Variants in IQCM observed in about 807,000 individuals in gnomAD.
IQCM encodes the protein IQ motif containing M.
A neutral mutation model predicts 57.6 loss-of-function variants in IQCM; 45 were observed. The observed-to-expected ratio is 0.78, with a 90% CI of 0.62 to 1.00. The LOEUF is 1.00. Among genes scored for constraint, IQCM ranks in the 50% least tolerant of loss-of-function variants. IQCM has a pLI of 0.00. For synonymous variants in IQCM, 148 were observed against 158.9 expected, an observed-to-expected ratio of 0.93 and a Z score of 0.51; for missense variants, 468 against 511.6, an observed-to-expected ratio of 0.91 and a Z score of 0.82.
At chr4:149,665,089 G>A (rs185062945) in intron 7 of IQCM, among the ~76,000 whole-genome samples, 3 of 152,280 alleles carry the variant, frequency 2.0e-5, no homozygotes, top group Admixed American at 6.5e-5. Flanking sequence ...TGGAACAACT[G>A]TAGGGCCTCA....
At chr4:149,460,881 G>T (rs1560867828) in intron 12 of IQCM, among the ~76,000 whole-genome samples, 1 of 152,040 alleles carries the variant, frequency 6.6e-6, no homozygotes, top group East Asian at 1.9e-4. Context: ...AGATCCCATT[G>T]GTCCCCTTGG....
intron 9 of IQCM, among the ~76,000 whole-genome samples, chr4:149,568,673 G>T (rs957697962): frequency 6.6e-6 from 1 of 152,006 alleles, no homozygotes; most frequent in East Asian, 1.9e-4. Context: ...TGCTACCATG[G>T]GAGGCTGAGG....
At chr4:149,647,489 T>C (rs1445653175) in intron 7 of IQCM, among the ~76,000 whole-genome samples, 1 of 152,152 alleles carries the variant, frequency 6.6e-6, no homozygotes, top group African/African-American at 2.4e-5. Flanking sequence ...AAGTTGTGTT[T>C]CTTAAACATA....
chr4:149,364,264 G>A (rs1355407088), intron 13 of IQCM, among the ~76,000 whole-genome samples: 2 of 152,126 alleles, frequency 1.3e-5, no homozygotes, highest in Non-Finnish European at 2.9e-5. Context: ...CAGGAGTGCA[G>A]GGGTTTTATT....
Position 149,484,959 on chromosome 4 carries a change from A to C in IQCM, c.1229-51402T>G, listed in dbSNP as rs1741309662. Among the ~76,000 whole-genome samples, 7 of 152,210 alleles carry C rather than the reference A, an allele frequency of 4.6e-5. No homozygotes were observed. The South Asian group carries it at 1.5e-3, about 32-fold the overall frequency. On this transcript the variant is annotated intron_variant, in intron 12 of 13. Transcript: ENST00000636793. ...TCATGCCTGAAGGATATTTTCACCA[A>C]ATATACTAATCTAGGGTAAAAGTTT...
chr4:149,438,783 G>C (rs1735624026), intron 12 of IQCM, among the ~76,000 whole-genome samples: 1 of 151,844 alleles, frequency 6.6e-6, no homozygotes, highest in Non-Finnish European at 1.5e-5. Flanking sequence ...CATTGATGAA[G>C]GAAAATATTA....
At chr4:149,454,304 CATGTCCTTTGCAGCAACATAGA>C (rs904878107) in intron 12 of IQCM, among the ~76,000 whole-genome samples, 2 of 151,578 alleles carry the variant, frequency 1.3e-5, no homozygotes, top group Non-Finnish European at 2.9e-5. Flanking sequence ...AGAGTGAGAT[CATGTCCTTTGCAGCAACATAGA>C]CAGAGCTGGG....
intron 13 of IQCM, among the ~76,000 whole-genome samples, chr4:149,380,579 C>T (rs138752324): frequency 2.5e-3 from 387 of 152,194 alleles, no homozygotes; most frequent in African/African-American, 8.8e-3. Flanking sequence ...GATTCTCTTT[C>T]GGAAGAAGAG....
intron 7 of IQCM, among the ~76,000 whole-genome samples, chr4:149,667,677 C>A (rs1292571125): frequency 6.6e-6 from 1 of 151,802 alleles, no homozygotes; most frequent in Non-Finnish European, 1.5e-5. Flanking sequence ...AAGCTAAGAA[C>A]CTTGATAAAA....
chr4:149,408,567 A>G (rs1316442506), intron 13 of IQCM, among the ~76,000 whole-genome samples: 1 of 152,150 alleles, frequency 6.6e-6, no homozygotes, highest in Non-Finnish European at 1.5e-5. Flanking sequence ...CTGGTACTAT[A>G]ACAACAGGAG....
intron 12 of IQCM, among the ~76,000 whole-genome samples, chr4:149,472,045 C>T (rs1316917926): frequency 5.3e-5 from 8 of 152,180 alleles, no homozygotes; most frequent in Admixed American, 2.0e-4. Flanking sequence ...GAAGCATTCC[C>T]TTTGAAAACT....
At chr4:149,563,649 T>C in intron 10 of IQCM, 43 bp downstream of exon 10, 2 of 1,173,538 alleles carry the variant, frequency 1.7e-6, no homozygotes, top group Middle Eastern at 3.2e-4. Context: ...TTGAATCTAA[T>C]GAGAAATTTT....
At chr4:149,757,884 T>C (rs552548041) in intron 2 of IQCM, among the ~76,000 whole-genome samples, 6 of 152,292 alleles carry the variant, frequency 3.9e-5, no homozygotes, top group Admixed American at 3.3e-4. Context: ...TGAATACAAT[T>C]GTTAAAAGTG....
chr4:149,690,650 A>G (rs1423921422), intron 5 of IQCM, among the ~76,000 whole-genome samples: 1 of 152,170 alleles, frequency 6.6e-6, no homozygotes, highest in Non-Finnish European at 1.5e-5. Flanking sequence ...TACACATTTT[A>G]TCAGGAACTT....
intron 13 of IQCM, among the ~76,000 whole-genome samples, chr4:149,377,550 T>C (rs1730782135): frequency 6.6e-6 from 1 of 152,210 alleles, no homozygotes; most frequent in African/African-American, 2.4e-5. Flanking sequence ...CTTGATGTCC[T>C]CATTCAGTAC....
chr4:149,439,843 G>A (rs1039608036), intron 12 of IQCM, among the ~76,000 whole-genome samples: 2 of 151,848 alleles, frequency 1.3e-5, no homozygotes, highest in African/African-American at 2.4e-5. Context: ...AGTTTTTATT[G>A]GGCTCAGCAT....
At chr4:149,761,708 C>A (rs531440570) in intron 2 of IQCM, among the ~76,000 whole-genome samples, 1 of 152,142 alleles carries the variant, frequency 6.6e-6, no homozygotes, top group East Asian at 1.9e-4. Flanking sequence ...TACGAAGAGT[C>A]TCTAATACAA....
chr4:149,697,504 G>A lies in IQCM; in HGVS notation c.386-11036C>T, dbSNP rs546933297. 6.6e-5 allele frequency among the ~76,000 whole-genome samples: 10 copies of A among 152,196 alleles called. No homozygotes were observed. The East Asian group carries it at 1.9e-3, about 29-fold the overall frequency. On this transcript the variant is annotated intron_variant, in intron 5 of 13. Coordinates refer to ENST00000636793, the MANE Select transcript of IQCM (RefSeq NM_001363507.2). ...GGTAGCCTGAAATCAGCCAGGGTGA[G>A]AATATTTATACCCTGGGAGTCAGGA...
At chr4:149,552,185 A>G (rs1403746914) in intron 11 of IQCM, among the ~76,000 whole-genome samples, 6 of 152,186 alleles carry the variant, frequency 3.9e-5, no homozygotes, top group Admixed American at 1.3e-4. Context: ...GAAAACTATC[A>G]TTTTAACAAA....
Sources: gnomAD v4.1 joint callset for allele counts (sites outside exome capture counted in the v4.1 genomes callset) on GRCh38, gnomAD v4.1.1 for gene constraint, MANE v1.5 for transcripts, NCBI Gene and HGNC (gene_info 2026-07-23, HGNC 2026-07-21) for gene names.